DMAC1: variants seen among roughly 807,000 people sequenced by gnomAD.
The protein encoded by DMAC1 is distal membrane-arm assembly complex protein 1.
In DMAC1, 10 loss-of-function variants were observed where a neutral mutation model predicts 7.0. The ratio of observed to expected loss-of-function variants is 1.43; its 90% CI spans 0.88 to 2.43. DMAC1 has a LOEUF of 2.43. Ranked by LOEUF, DMAC1 falls within the 30% of genes most tolerant of loss-of-function variation. DMAC1 has a pLI of 0.00. For synonymous variants in DMAC1, 92 were observed against 66.2 expected, an observed-to-expected ratio of 1.39 and a Z score of -1.90; for missense variants, 219 against 158.7, an observed-to-expected ratio of 1.38 and a Z score of -2.04.
chr9:7,799,342 C>A, intron 1 of DMAC1, 119 bp downstream of exon 1: 3 of 1,367,206 alleles, frequency 2.2e-6, no homozygotes, highest in Non-Finnish European at 3.0e-6. Context: ...GAGGTGCCCC[C>A]ACCACCTGAC....
rs764392669 is a variant in DMAC1, at chr9:7,799,756, C to T, written c.-22G>A. On this transcript the variant is annotated 5_prime_UTR_variant, in exon 1 of 2. Coordinates refer to ENST00000358227, the MANE Select transcript of DMAC1 (RefSeq NM_033428.3). ...CCATGCTCTGGAACTCGGCCTCAAC[C>T]TTGGGCGTCTTTGGTTCAAACTGGC... 2.7e-6 allele frequency: 4 copies of T among 1,501,992 alleles called. No individual in the cohort carries two copies. Among genetic ancestry groups the T allele is most frequent in the Non-Finnish European group, 2.7e-6 (3 of 1,131,216 alleles). The allele number at this position is 1,501,992 out of a possible 1,614,324, so 93.0% of individuals were successfully genotyped here. A position where few individuals can be genotyped will look rare whatever the true frequency, so the allele number is the denominator to read the frequency against.
chr9:7,798,799 T>A (rs1164877450), intron 1 of DMAC1, among the ~76,000 whole-genome samples, 162 bp from the exon 2 acceptor site: 3 of 151,080 alleles, frequency 2.0e-5, no homozygotes, highest in African/African-American at 7.3e-5. Flanking sequence ...GAAAAAAAAA[T>A]CAGGAAAAAA....
rs751442603 is a variant in DMAC1, at chr9:7,798,618, G to T, written c.294C>A (p.Ile98=). 6.3e-6 allele frequency: 10 copies of T among 1,590,804 alleles called. No individual in the cohort carries two copies. The highest frequency in any genetic ancestry group is 7.7e-6 in the Non-Finnish European group (9 of 1,164,996). Residue 98 remains isoleucine, a synonymous_variant, in exon 2 of 2, where the codon ATC becomes ATA. Coordinates refer to ENST00000358227, the MANE Select transcript of DMAC1 (RefSeq NM_033428.3). ...TCCCTTTGGGGTCTGCCATGACAAC[G>T]ATACCCCAGGTGGCAATGCCTAGAA... ...VIGLSIATWG[I]VVMADPKGKA... is the part of the protein sequence containing the mutation.
At position 7,796,891 on chromosome 9, in the gene DMAC1, A is replaced by G. The variant is rs1445657634; in HGVS notation, c.*1682T>C. 1 of 146,882 alleles carries G rather than the reference A, an allele frequency of 6.8e-6. No individual in the cohort carries two copies. Among genetic ancestry groups the G allele is most frequent in the Non-Finnish European group, 1.5e-5 (1 of 65,644 alleles). 9.1% of individuals were successfully genotyped at this position (146,882 alleles called of 1,614,324 possible). A position where few individuals can be genotyped will look rare whatever the true frequency, so the allele number is the denominator to read the frequency against. ...ATGTTATCAATAAGGCTTCCAGTCA[A>G]TTGTAAACTAACTACTAATTAAGTT... On this transcript the variant is annotated 3_prime_UTR_variant, in exon 2 of 2. Coordinates refer to ENST00000358227, the MANE Select transcript of DMAC1 (RefSeq NM_033428.3).
chr9:7,796,803 C>T lies in DMAC1; in HGVS notation c.*1770G>A, dbSNP rs1476335800. Reference sequence around the variant, plus strand: ...TAACATTTTTTTTTTCTCTAGCTTACCTTCTTGTAAGAATACGGAATATAA... The same window carrying T: ...TAACATTTTTTTTTTCTCTAGCTTATCTTCTTGTAAGAATACGGAATATAA... On this transcript the variant is annotated 3_prime_UTR_variant, in exon 2 of 2. Transcript: ENST00000358227. 1 of 147,586 alleles carries T rather than the reference C, an allele frequency of 6.8e-6. No homozygotes were observed. The highest frequency in any genetic ancestry group is 1.5e-5 in the Non-Finnish European group (1 of 66,284). The allele number at this position is 147,586 out of a possible 1,614,324, so 9.1% of individuals were successfully genotyped here.
rs756085725 is a variant in DMAC1, at chr9:7,797,056, T to C, written c.*1517A>G. On this transcript the variant is annotated 3_prime_UTR_variant, in exon 2 of 2. Coordinates refer to ENST00000358227, the MANE Select transcript of DMAC1 (RefSeq NM_033428.3). The stretch of plus-strand genomic sequence containing the variant: ...TAGATCAAGCCAAGACCAAGTTAGG[T>C]TTATGTGTTTTTGGTTTAACCAAAG... The C allele has an allele frequency of 3.9e-5, 6 of 152,062 alleles. No individual in the cohort carries two copies. The highest frequency in any genetic ancestry group is 8.8e-5 in the Non-Finnish European group (6 of 68,010). The allele number at this position is 152,062 out of a possible 1,614,324, so 9.4% of individuals were successfully genotyped here.
rs1327304490 is a variant in DMAC1 at position 7,796,772 on chromosome 9, C to A, written c.*1801G>T. The stretch of plus-strand genomic sequence containing the variant: ...CTAACGAATAGTGAATATATTACTT[C>A]CTTAATAACATTTTTTTTTTCTCTA... On this transcript the variant is annotated 3_prime_UTR_variant, in exon 2 of 2. Coordinates refer to ENST00000358227, the MANE Select transcript of DMAC1 (RefSeq NM_033428.3). 1 of 93,534 alleles carries A rather than the reference C, an allele frequency of 1.1e-5. No individual in the cohort carries two copies. Among genetic ancestry groups the A allele is most frequent in the Admixed American group, 1.2e-4 (1 of 8,644 alleles). The allele number at this position is 93,534 out of a possible 1,614,324, so 5.8% of individuals were successfully genotyped here.
rs1818628652 is a variant in DMAC1 at position 7,797,354 on chromosome 9, G to C, written c.*1219C>G. On this transcript the variant is annotated 3_prime_UTR_variant, in exon 2 of 2. Transcript: ENST00000358227. ...ATATATGTAGCACCATCCCCGCTAT[G>C]AACTCTGATGTAGAAAATACAAGAT... 1 of 152,164 alleles carries C rather than the reference G, an allele frequency of 6.6e-6. No individual in the cohort carries two copies. Among genetic ancestry groups the C allele is most frequent in the African/African-American group, 2.4e-5 (1 of 41,438 alleles). The allele number at this position is 152,164 out of a possible 1,614,324, so 9.4% of individuals were successfully genotyped here. A position where few individuals can be genotyped will look rare whatever the true frequency, so the allele number is the denominator to read the frequency against.
chr9:7,799,619 G>A lies in DMAC1; in HGVS notation c.116C>T (p.Ala39Val), dbSNP rs1218364695. 1 of 1,613,216 alleles carries A rather than the reference G, an allele frequency of 6.2e-7. No individual in the cohort carries two copies. Among genetic ancestry groups the A allele is most frequent in the African/African-American group, 1.3e-5 (1 of 74,878 alleles). The change falls in exon 1 of 2, where the codon GCA becomes GTA. Residue 39 changes from alanine (A) to valine (V), a missense_variant. Coordinates refer to ENST00000358227, the MANE Select transcript of DMAC1 (RefSeq NM_033428.3). ...PATPGAPTSP[A>V]EHRLLKTCWS... ...GCAGGTCTTCAACAGGCGGTGTTCT[G>A]CTGGGGAGGTCGGCGCTCCGGGTGT...
At chr9:7,799,152 A>G (rs937543836) in intron 1 of DMAC1, among the ~76,000 whole-genome samples, 3 of 152,108 alleles carry the variant, frequency 2.0e-5, no homozygotes, top group African/African-American at 7.2e-5. Flanking sequence ...CTGACCATGA[A>G]CACAATACTC....
In DMAC1 at chr9:7,799,588, G is replaced by T. The variant is rs1304275284; in HGVS notation, c.147C>A (p.Ser49Arg). The change falls in exon 1 of 2, where the codon AGC becomes AGA. Residue 49 changes from serine to arginine, a missense_variant. By Grantham distance (110) the Ser-to-Arg change is moderately radical. Transcript: ENST00000358227. ...AEHRLLKTCW[S>R]CRVLSGLGLM... ...GCCCCAACCCAGAAAGCACGCGACA[G>T]CTCCAGCAGGTCTTCAACAGGCGGT... is the stretch of plus-strand genomic sequence containing the variant. The T allele has an allele frequency of 6.2e-7, 1 of 1,613,570 alleles. No individual in the cohort carries two copies. Among genetic ancestry groups the T allele is most frequent in the Admixed American group, 1.7e-5 (1 of 59,994 alleles).
rs1818606777 is a variant in DMAC1, at chr9:7,796,680, C to T, written c.*1893G>A. 1.3e-5 allele frequency: 2 copies of T among 152,236 alleles called. No homozygotes were observed. Among genetic ancestry groups the T allele is most frequent in the South Asian group, 4.1e-4 (2 of 4,824 alleles). 9.4% of individuals were successfully genotyped at this position (152,236 alleles called of 1,614,324 possible). Reference sequence around the variant, plus strand: ...TGCCACTGGGACAGAAAGACCAACTCCTCTTGCTCCTCAGACTACTCAGCG... The same window carrying T: ...TGCCACTGGGACAGAAAGACCAACTTCTCTTGCTCCTCAGACTACTCAGCG... On this transcript the variant is annotated 3_prime_UTR_variant, in exon 2 of 2. Transcript: ENST00000358227.
chr9:7,799,716 G>C lies in DMAC1; in HGVS notation c.19C>G (p.Gln7Glu). ...GCAGTGATATAGGACTCAAAAGGCT[G>C]GGACAACCGAGACCCCATGCTCTGG... MGSRLS[Q>E]PFESYITAPP... The change falls in exon 1 of 2, where the codon CAG becomes GAG. Residue 7 changes from glutamine (Q) to glutamate (E), a missense_variant. Gln to Glu is a conservative substitution (Grantham distance 29). Transcript: ENST00000358227. The C allele has an allele frequency of 6.4e-7, 1 of 1,553,010 alleles. No homozygotes were observed. Among genetic ancestry groups the C allele is most frequent in the Non-Finnish European group, 8.7e-7 (1 of 1,153,556 alleles).
rs1331458510 is a variant in DMAC1 at position 7,798,620 on chromosome 9, T to C, written c.292A>G (p.Ile98Val). 2 of 1,591,180 alleles carry C rather than the reference T, an allele frequency of 1.3e-6. No individual in the cohort carries two copies. The highest frequency in any genetic ancestry group is 2.2e-5 in the East Asian group (1 of 44,570). Residue 98 changes from isoleucine (I) to valine (V), a missense_variant, in exon 2 of 2, where the codon ATC becomes GTC. Transcript: ENST00000358227. ...CCTTTGGGGTCTGCCATGACAACGATACCCCAGGTGGCAATGCCTAGAAAA... is the reference window on the plus strand; with the variant it reads ...CCTTTGGGGTCTGCCATGACAACGACACCCCAGGTGGCAATGCCTAGAAAA... ...VIGLSIATWG[I>V]VVMADPKGKA...
Position 7,798,332 on chromosome 9 carries a change from A to G in DMAC1, c.*241T>C, listed in dbSNP as rs1818657557. The G allele has an allele frequency of 2.1e-6, 1 of 468,150 alleles. No homozygotes were observed. Among genetic ancestry groups the G allele is most frequent in the African/African-American group, 1.9e-5 (1 of 52,020 alleles). The allele number at this position is 468,150 out of a possible 1,614,324, so 29.0% of individuals were successfully genotyped here. On this transcript the variant is annotated 3_prime_UTR_variant, in exon 2 of 2. Coordinates refer to ENST00000358227, the MANE Select transcript of DMAC1 (RefSeq NM_033428.3). ...GTTATACTTTCCTTCCCCAGATAAGACAAAGAACCTGTTTACTTCTCTGAG... is the reference window on the plus strand; with the variant it reads ...GTTATACTTTCCTTCCCCAGATAAGGCAAAGAACCTGTTTACTTCTCTGAG...
In DMAC1 at chr9:7,799,641, G is replaced by GTGTA; in HGVS notation, c.90_93dup (p.Pro32TyrfsTer129). On this transcript the variant is annotated frameshift_variant, in exon 1 of 2. Coordinates refer to ENST00000358227, the MANE Select transcript of DMAC1 (RefSeq NM_033428.3). LOFTEE classifies it high-confidence loss of function. ...TCTGCTGGGGAGGTCGGCGCTCCGG[G>GTGTA]TGTAGCTGGGGGCGCAGGTTTGGCG... 1.2e-6 allele frequency: 2 copies of GTGTA among 1,612,588 alleles called. No homozygotes were observed. Among genetic ancestry groups the GTGTA allele is most frequent in the Non-Finnish European group, 1.7e-6 (2 of 1,179,712 alleles).
Position 7,799,571 on chromosome 9 carries a change from C to G in DMAC1, c.164G>C (p.Gly55Ala). 3 of 1,613,722 alleles carry G rather than the reference C, an allele frequency of 1.9e-6. No homozygotes were observed. Among genetic ancestry groups the G allele is most frequent in the Non-Finnish European group, 2.5e-6 (3 of 1,179,984 alleles). Residue 55 changes from glycine to alanine, a missense_variant, in exon 1 of 2, where the codon GGG becomes GCG. By Grantham distance (60) the Gly-to-Ala change is moderately conservative. Coordinates refer to ENST00000358227, the MANE Select transcript of DMAC1 (RefSeq NM_033428.3). ...CCCGCCCGCCCCCATCAGCCCCAAC[C>G]CAGAAAGCACGCGACAGCTCCAGCA... ...KTCWSCRVLS[G>A]LGLMGAGGYV...
At position 7,797,700 on chromosome 9, in the gene DMAC1, C is replaced by T. The variant is rs1052862542; in HGVS notation, c.*873G>A. The T allele has an allele frequency of 6.8e-6, 1 of 147,362 alleles. No homozygotes were observed. The highest frequency in any genetic ancestry group is 1.5e-5 in the Non-Finnish European group (1 of 66,548). 9.1% of individuals were successfully genotyped at this position (147,362 alleles called of 1,614,324 possible). ...GCTTGTGGAAAAAGAATCAAAAGATCTTTTTTTTTTTTAGCTAAAGGTTTT... is the reference window on the plus strand; with the variant it reads ...GCTTGTGGAAAAAGAATCAAAAGATTTTTTTTTTTTTTAGCTAAAGGTTTT... On this transcript the variant is annotated 3_prime_UTR_variant, in exon 2 of 2. Coordinates refer to ENST00000358227, the MANE Select transcript of DMAC1 (RefSeq NM_033428.3).
rs752320922 is a variant in DMAC1 at position 7,796,804 on chromosome 9, C to G, written c.*1769G>C. 6.8e-6 allele frequency: 1 copy of G among 146,694 alleles called. No individual in the cohort carries two copies. The highest frequency in any genetic ancestry group is 1.5e-5 in the Non-Finnish European group (1 of 65,954). 9.1% of individuals were successfully genotyped at this position (146,694 alleles called of 1,614,324 possible). ...AACATTTTTTTTTTCTCTAGCTTAC[C>G]TTCTTGTAAGAATACGGAATATAAT... is the stretch of plus-strand genomic sequence containing the variant. On this transcript the variant is annotated 3_prime_UTR_variant, in exon 2 of 2. Coordinates refer to ENST00000358227, the MANE Select transcript of DMAC1 (RefSeq NM_033428.3).
Sources: allele counts gnomAD v4.1 joint callset (sites outside exome capture counted in the v4.1 genomes callset), GRCh38; gene constraint gnomAD v4.1.1; transcripts MANE v1.5; gene names NCBI Gene and HGNC (gene_info 2026-07-23, HGNC 2026-07-21).